Variants in NCDN observed in about 807,000 individuals in gnomAD.
NCDN encodes neurochondrin, also known as norbin.
A neutral mutation model predicts 60.7 loss-of-function variants in NCDN; 9 were observed. That is an observed-to-expected ratio of 0.15 (90% CI 0.09 to 0.26). NCDN has a LOEUF of 0.26. NCDN is among the 10% of genes least tolerant of loss of function. NCDN has a pLI of 1.00. For missense variants in NCDN, 578 were observed against 975.2 expected (o/e 0.59, Z 5.42); for synonymous variants, 409 against 442.5 (o/e 0.92, Z 0.95).
At chr1:35,559,348 C>T in intron 2 of NCDN, 101 bp downstream of exon 2, 1 of 1,509,038 alleles carries the variant, frequency 6.6e-7, no homozygotes, top group Non-Finnish European at 9.1e-7. Context: ...GTAGTGCTAG[C>T]AACCCTGGAG....
In NCDN at chr1:35,558,090, G is replaced by A; in HGVS notation, c.-101G>A. On this transcript the variant is annotated 5_prime_UTR_variant, in exon 1 of 7. Coordinates refer to ENST00000373243, the MANE Select transcript of NCDN (RefSeq NM_014284.3). This position sits in a 1 kb window ranked among gnomAD's most constrained non-coding sequence, Gnocchi z 6.3. ...TTTTTTAATTTGCCCTGTCATCTTTGGGGGCTGTCTCCCATGTCGTGATTT... is the reference window on the plus strand; with the variant it reads ...TTTTTTAATTTGCCCTGTCATCTTTAGGGGCTGTCTCCCATGTCGTGATTT... 2 of 1,494,022 alleles carry A rather than the reference G, an allele frequency of 1.3e-6. No individual in the cohort carries two copies. The highest frequency in any genetic ancestry group is 1.8e-6 in the Non-Finnish European group (2 of 1,085,166). 92.5% of individuals were successfully genotyped at this position (1,494,022 alleles called of 1,614,324 possible).
chr1:35,560,208 C>A lies in NCDN; in HGVS notation c.175-118C>A, dbSNP rs1447458171. ...AAAAAGGAGCTGGATGAAATGACCTCAGATGAGTCCTGTTGCATAACCTCA... is the reference window on the plus strand; with the variant it reads ...AAAAAGGAGCTGGATGAAATGACCTAAGATGAGTCCTGTTGCATAACCTCA... On this transcript the variant is annotated intron_variant, in intron 2 of 6. Transcript: ENST00000373243. The surrounding 1 kb of genome is among the most constrained non-coding windows in gnomAD (Gnocchi z 7.6). 2.3e-6 allele frequency: 3 copies of A among 1,326,216 alleles called. No individual in the cohort carries two copies. The East Asian group carries it at 7.0e-5, about 31-fold the overall frequency. 82.2% of individuals were successfully genotyped at this position (1,326,216 alleles called of 1,614,324 possible).
At position 35,562,545 on chromosome 1, in the gene NCDN, G is replaced by A. The variant is rs376408289; in HGVS notation, c.1297G>A (p.Glu433Lys). 14 of 1,613,944 alleles carry A rather than the reference G, an allele frequency of 8.7e-6. No homozygotes were observed. Among genetic ancestry groups the A allele is most frequent in the South Asian group, 1.1e-5 (1 of 91,080 alleles). ...RYAKTLYEEA[E>K]EANDLSQQVA... is the part of the protein sequence containing the mutation. ...TGCCAAGACCCTCTACGAGGAGGCC[G>A]AGGAGGCCAATGACCTTTCCCAGCA... Residue 433 changes from glutamate (E) to lysine (K), a missense_variant, in exon 4 of 7, where the codon GAG (glutamate) becomes AAG (lysine). Physicochemically the swap from Glu to Lys is moderately conservative, Grantham distance 56. Around this residue, in one of 3 missense-constraint regions of NCDN, gnomAD observed 363 missense variants for 583.6 expected, o/e 0.62. Transcript: ENST00000373243. The surrounding 1 kb of genome is among the most constrained non-coding windows in gnomAD (Gnocchi z 6.8).
intron 1 of NCDN, 81 bp from the exon 2 acceptor site, chr1:35,559,026 C>A: frequency 9.7e-7 from 1 of 1,028,006 alleles, no homozygotes; most frequent in Non-Finnish European, 1.4e-6. Context: ...ATCCCTCCCT[C>A]CCTCCATCCT....
Position 35,559,121 on chromosome 1 carries a change from C to T in NCDN, c.48C>T (p.Ser16=). The change falls in exon 2 of 7, where the codon AGC becomes AGT. Residue 16 remains serine, a synonymous_variant. Coordinates refer to ENST00000373243, the MANE Select transcript of NCDN (RefSeq NM_014284.3). Reference sequence around the variant, plus strand: ...TGTGTTCACAGTTGGGCAAGGCGAGCATCATGGCCTCGGATTGCGAGCCAG... The same window carrying T: ...TGTGTTCACAGTTGGGCAAGGCGAGTATCATGGCCTCGGATTGCGAGCCAG... The part of the protein sequence containing the change: ...LAAAGQLGKA[S]IMASDCEPAL... 6.2e-7 allele frequency: 1 copy of T among 1,613,170 alleles called. No individual in the cohort carries two copies. Among genetic ancestry groups the T allele is most frequent in the Non-Finnish European group, 8.5e-7 (1 of 1,179,822 alleles).
In NCDN at chr1:35,557,827, C is replaced by T. The variant is rs978451461; in HGVS notation, c.-364C>T. 1.7e-5 allele frequency: 9 copies of T among 540,490 alleles called. No individual in the cohort carries two copies. Among genetic ancestry groups the T allele is most frequent in the African/African-American group, 1.3e-4 (7 of 53,330 alleles). 33.5% of individuals were successfully genotyped at this position (540,490 alleles called of 1,614,324 possible). A position where few individuals can be genotyped will look rare whatever the true frequency, so the allele number is the denominator to read the frequency against. On this transcript the variant is annotated 5_prime_UTR_variant, in exon 1 of 7. Transcript: ENST00000373243. ...GGGCAACGCGGCGTGAGCAGCGGCC[C>T]GAGGCTCCCGGAGCATCGCGCTGGG...
Position 35,558,594 on chromosome 1 carries a change from A to G in NCDN, c.33+371A>G. The G allele has an allele frequency of 8.3e-7, 1 of 1,204,184 alleles. No homozygotes were observed. The highest frequency in any genetic ancestry group is 2.5e-5 in the South Asian group (1 of 40,752). 74.6% of individuals were successfully genotyped at this position (1,204,184 alleles called of 1,614,324 possible). ...TCTTGTATTCTCACTTCTGAAGCGT[A>G]TCTCTGCCTCTGAAGAAGGGAGGGG... On this transcript the variant is annotated intron_variant, in intron 1 of 6. Transcript: ENST00000373243. The surrounding 1 kb of genome is among the most constrained non-coding windows in gnomAD (Gnocchi z 6.3).
In NCDN at chr1:35,563,655, C is replaced by A; in HGVS notation, c.1611-112C>A. The A allele has an allele frequency of 7.5e-7, 1 of 1,339,670 alleles. No homozygotes were observed. Among genetic ancestry groups the A allele is most frequent in the Non-Finnish European group, 1.0e-6 (1 of 964,228 alleles). 83.0% of individuals were successfully genotyped at this position (1,339,670 alleles called of 1,614,324 possible). On this transcript the variant is annotated intron_variant, in intron 5 of 6. Transcript: ENST00000373243. This position sits in a 1 kb window ranked among gnomAD's most constrained non-coding sequence, Gnocchi z 6.6. ...TGTTCCAATCTCTGCCCCCCAGATG[C>A]TATGTTTGGGGCCCAAAGTTAATCA...
Position 35,566,639 on chromosome 1 carries a change from A to ACACACC in NCDN, c.*981_*982insCCACAC. ...ATAAACCCAGGGGGACCACACACAC[A>ACACACC]CACACACACACACACACACACACAC... On this transcript the variant is annotated 3_prime_UTR_variant, in exon 7 of 7. Coordinates refer to ENST00000373243, the MANE Select transcript of NCDN (RefSeq NM_014284.3). This position sits in a 1 kb window ranked among gnomAD's most constrained non-coding sequence, Gnocchi z 5.3. 6.2e-6 allele frequency: 2 copies of ACACACC among 324,594 alleles called. No individual in the cohort carries two copies. The highest frequency in any genetic ancestry group is 5.0e-5 in the South Asian group (2 of 40,218). The allele number at this position is 324,594 out of a possible 1,614,324, so 20.1% of individuals were successfully genotyped here.
chr1:35,560,921 G>C lies in NCDN; in HGVS notation c.770G>C (p.Cys257Ser), dbSNP rs1340399067. Residue 257 changes from cysteine (C) to serine (S), a missense_variant, in exon 3 of 7, where the codon TGC (cysteine) becomes TCC (serine). Cys to Ser is a moderately radical substitution (Grantham distance 112, BLOSUM62 -1). Around this residue, in one of 3 missense-constraint regions of NCDN, gnomAD observed 363 missense variants for 583.6 expected, o/e 0.62. Transcript: ENST00000373243. This position sits in a 1 kb window ranked among gnomAD's most constrained non-coding sequence, Gnocchi z 7.6. ...CCCCCGACAACCGTGCCCCCTGAAT[G>C]CTACCGGGATCTGCAGGCCGGGCTG... ...FLPPTTVPPE[C>S]YRDLQAGLAR... 6.2e-7 allele frequency: 1 copy of C among 1,614,002 alleles called. No homozygotes were observed. The highest frequency in any genetic ancestry group is 1.1e-5 in the South Asian group (1 of 91,084).
At chr1:35,564,835 G>A (rs1228239238) in intron 6 of NCDN, among the ~76,000 whole-genome samples, 3 of 152,122 alleles carry the variant, frequency 2.0e-5, no homozygotes, top group South Asian at 2.1e-4. Flanking sequence ...CTGGCCCAAG[G>A]ATCAAATGGT....
chr1:35,566,688 C>G lies in NCDN; in HGVS notation c.*1025C>G, dbSNP rs575330822. 4.7e-6 allele frequency: 2 copies of G among 429,670 alleles called. No homozygotes were observed. The highest frequency in any genetic ancestry group is 4.0e-5 in the African/African-American group (2 of 49,574). 26.6% of individuals were successfully genotyped at this position (429,670 alleles called of 1,614,324 possible). ...ACACACACACACACACACTCTTGATCCCTTGCTTCCCTCCCCCAGTGCGTT... is the reference window on the plus strand; with the variant it reads ...ACACACACACACACACACTCTTGATGCCTTGCTTCCCTCCCCCAGTGCGTT... On this transcript the variant is annotated 3_prime_UTR_variant, in exon 7 of 7. Coordinates refer to ENST00000373243, the MANE Select transcript of NCDN (RefSeq NM_014284.3). The surrounding 1 kb of genome is among the most constrained non-coding windows in gnomAD (Gnocchi z 5.3).
chr1:35,558,527 G>A lies in NCDN; in HGVS notation c.33+304G>A, dbSNP rs1008796403. 2.7e-5 allele frequency: 37 copies of A among 1,350,390 alleles called. No homozygotes were observed. Among genetic ancestry groups the A allele is most frequent in the Non-Finnish European group, 3.4e-5 (36 of 1,051,000 alleles). 83.7% of individuals were successfully genotyped at this position (1,350,390 alleles called of 1,614,324 possible). On this transcript the variant is annotated intron_variant, in intron 1 of 6. Transcript: ENST00000373243. The surrounding 1 kb of genome is among the most constrained non-coding windows in gnomAD (Gnocchi z 6.3). ...GCGACTGAGAGCCCTGGCTGGAGGG[G>A]TGGGGTCCCCAAAGGGGCCTCCAAG...
In NCDN at chr1:35,562,493, C is replaced by T. The variant is rs1203845603; in HGVS notation, c.1245C>T (p.Cys415=). The change falls in exon 4 of 7, where the codon TGC becomes TGT. Residue 415 remains cysteine, a synonymous_variant. Transcript: ENST00000373243. This position sits in a 1 kb window ranked among gnomAD's most constrained non-coding sequence, Gnocchi z 6.8. ...CCTCATCCTTGCGTAAGGAGGTGTG[C>T]CAGCTGCTGCCCTTCCTCGTCCGCT... ...EETSSLRKEV[C]QLLPFLVRYA... The T allele has an allele frequency of 1.9e-6, 3 of 1,614,138 alleles. No homozygotes were observed. The highest frequency in any genetic ancestry group is 1.7e-6 in the Non-Finnish European group (2 of 1,180,010).
rs1277798671 is a variant in NCDN at position 35,565,773 on chromosome 1, A to G, written c.*110A>G. On this transcript the variant is annotated 3_prime_UTR_variant, in exon 7 of 7. Transcript: ENST00000373243. This position sits in a 1 kb window ranked among gnomAD's most constrained non-coding sequence, Gnocchi z 8.9. Reference sequence around the variant, plus strand: ...CCCCCCTCCCCAGACTTCCTCCCCAAAACACCCCAGCTTTCTGGCTTTTCT... The same window carrying G: ...CCCCCCTCCCCAGACTTCCTCCCCAGAACACCCCAGCTTTCTGGCTTTTCT... 9.1e-6 allele frequency: 11 copies of G among 1,210,264 alleles called. No homozygotes were observed. The highest frequency in any genetic ancestry group is 6.1e-5 in the African/African-American group (4 of 65,048). 75.0% of individuals were successfully genotyped at this position (1,210,264 alleles called of 1,614,324 possible).
At position 35,560,757 on chromosome 1, in the gene NCDN, G is replaced by C. The variant is rs756967987; in HGVS notation, c.606G>C (p.Leu202=). ...FDQALALLVG[L]LAAAETQCWK... ...AGGCCCTGGCACTCCTGGTGGGGCT[G>C]CTGGCTGCTGCCGAGACACAGTGCT... The change falls in exon 3 of 7, where the codon CTG becomes CTC. Residue 202 remains leucine, a synonymous_variant. Transcript: ENST00000373243. The surrounding 1 kb of genome is among the most constrained non-coding windows in gnomAD (Gnocchi z 7.6). 4.0e-5 allele frequency: 65 copies of C among 1,612,152 alleles called. No individual in the cohort carries two copies. Among genetic ancestry groups the C allele is most frequent in the Non-Finnish European group, 5.4e-5 (64 of 1,180,000 alleles).
In NCDN at chr1:35,562,303, T is replaced by C; in HGVS notation, c.1144-89T>C. On this transcript the variant is annotated intron_variant, in intron 3 of 6. Coordinates refer to ENST00000373243, the MANE Select transcript of NCDN (RefSeq NM_014284.3). The surrounding 1 kb of genome is among the most constrained non-coding windows in gnomAD (Gnocchi z 6.8). ...AGGCTCACAGGCCAGAATTTCCTTC[T>C]AGTTGTATTATTTCTAGCTGGCTGG... The C allele has an allele frequency of 1.3e-6, 2 of 1,539,230 alleles. No individual in the cohort carries two copies. Among genetic ancestry groups the C allele is most frequent in the South Asian group, 1.3e-5 (1 of 79,716 alleles).
Position 35,558,989 on chromosome 1 carries a change from A to C in NCDN, c.34-118A>C. 22 of 926,332 alleles carry C rather than the reference A, an allele frequency of 2.4e-5. No individual in the cohort carries two copies. Among genetic ancestry groups the C allele is most frequent in the East Asian group, 3.2e-5 (1 of 31,220 alleles). 57.4% of individuals were successfully genotyped at this position (926,332 alleles called of 1,614,324 possible). ...AGTCCTGAGGAGTCCACCCCTCCAGATTCTCTCCTCCCCTCCCTCTGTGCT... is the reference window on the plus strand; with the variant it reads ...AGTCCTGAGGAGTCCACCCCTCCAGCTTCTCTCCTCCCCTCCCTCTGTGCT... On this transcript the variant is annotated intron_variant, in intron 1 of 6. Transcript: ENST00000373243. This position sits in a 1 kb window ranked among gnomAD's most constrained non-coding sequence, Gnocchi z 6.3.
Position 35,566,409 on chromosome 1 carries a change from A to G in NCDN, c.*746A>G. 1 of 237,276 alleles carries G rather than the reference A, an allele frequency of 4.2e-6. No individual in the cohort carries two copies. Among genetic ancestry groups the G allele is most frequent in the Non-Finnish European group, 8.6e-6 (1 of 116,792 alleles). The allele number at this position is 237,276 out of a possible 1,614,324, so 14.7% of individuals were successfully genotyped here. The stretch of plus-strand genomic sequence containing the variant: ...TTTGCCTGTCCTTATCCCTGCTTGG[A>G]CACCTGAGCATCTGATTCCTGTCCC... On this transcript the variant is annotated 3_prime_UTR_variant, in exon 7 of 7. Transcript: ENST00000373243. The surrounding 1 kb of genome is among the most constrained non-coding windows in gnomAD (Gnocchi z 5.3).
Sources: allele counts gnomAD v4.1 joint callset (sites outside exome capture counted in the v4.1 genomes callset), GRCh38; gene constraint gnomAD v4.1.1; regional missense constraint gnomAD v4.1.1; non-coding constraint Gnocchi (gnomAD v3.1); transcripts MANE v1.5; gene names NCBI Gene and HGNC (gene_info 2026-07-23, HGNC 2026-07-21).